LRRC4C: variants seen among roughly 807,000 people sequenced by gnomAD.
The protein encoded by LRRC4C is leucine-rich repeat-containing protein 4C.
A neutral mutation model predicts 33.6 loss-of-function variants in LRRC4C; 5 were observed. That is an observed-to-expected ratio of 0.15 (90% confidence interval 0.08 to 0.31). The LOEUF is 0.31. Ranked by LOEUF, LRRC4C falls within the 10% of genes least tolerant of loss-of-function variation. The pLI is 1.00. For synonymous variants in LRRC4C, 329 were observed against 302.0 expected (o/e 1.09, Z -0.93); for missense variants, 560 against 796.7 (o/e 0.70, Z 3.58).
intron 3 of LRRC4C, among the ~76,000 whole-genome samples, chr11:40,463,024 G>A (rs767975296): frequency 7.9e-5 from 12 of 151,972 alleles, no homozygotes; most frequent in Non-Finnish European, 1.5e-4. Context: ...CAAGTCCTAC[G>A]ATTCATTCTC....
At chr11:41,044,965 A>C (rs1339208307) in intron 1 of LRRC4C, among the ~76,000 whole-genome samples, 2 of 152,102 alleles carry the variant, frequency 1.3e-5, no homozygotes, top group Non-Finnish European at 2.9e-5. Flanking sequence ...TTCAATAAGT[A>C]ATCCTGAGCC....
At chr11:41,354,822 T>C (rs1952102998) in intron 1 of LRRC4C, among the ~76,000 whole-genome samples, 1 of 151,990 alleles carries the variant, frequency 6.6e-6, no homozygotes, top group Non-Finnish European at 1.5e-5. Flanking sequence ...GAAACTGTAC[T>C]CATTTCACCA....
At chr11:40,615,031 G>A (rs1283565223) in intron 3 of LRRC4C, among the ~76,000 whole-genome samples, 1 of 150,116 alleles carries the variant, frequency 6.7e-6, no homozygotes, top group African/African-American at 2.5e-5. Context: ...TTGGATAAGT[G>A]GTGCCAATAG....
At position 41,141,391 on chromosome 11, in the gene LRRC4C, A is replaced by G. The variant is rs148484798; in HGVS notation, c.-495-207668T>C. Among the ~76,000 whole-genome samples, 511 of 152,156 alleles carry G rather than the reference A, an allele frequency of 3.4e-3. 3 individuals carry two copies. Among genetic ancestry groups the G allele is most frequent in the African/African-American group, 0.011 (465 of 41,522 alleles). On this transcript the variant is annotated intron_variant, in intron 1 of 6. Transcript: ENST00000528697. The stretch of plus-strand genomic sequence containing the variant: ...AATTTCTCTTAAAAAAAAAGATCCA[A>G]CTGCTCATTAAAAAGTTTGAAAAGT...
intron 2 of LRRC4C, among the ~76,000 whole-genome samples, chr11:40,803,797 T>C (rs1195924200): frequency 6.6e-6 from 1 of 152,052 alleles, no homozygotes; most frequent in Admixed American, 6.6e-5. Flanking sequence ...TATGAGTACA[T>C]AGTAGGTATA....
intron 3 of LRRC4C, among the ~76,000 whole-genome samples, chr11:40,370,518 T>C (rs771967421): frequency 6.6e-6 from 1 of 152,156 alleles, no homozygotes; most frequent in South Asian, 2.1e-4. Context: ...ACTTAATATG[T>C]ATTTTAAACA....
At chr11:41,123,264 T>TTG (rs1942548710) in intron 1 of LRRC4C, among the ~76,000 whole-genome samples, 1 of 40,600 alleles carries the variant, frequency 2.5e-5, no homozygotes, top group African/African-American at 6.9e-5. Context: ...ATGTTTTGTT[T>TTG]TTTTTTTTTT....
chr11:41,028,128 A>G (rs1856497983), intron 1 of LRRC4C, among the ~76,000 whole-genome samples: 1 of 151,626 alleles, frequency 6.6e-6, no homozygotes, highest in African/African-American at 2.4e-5. Flanking sequence ...AATCCCCTCT[A>G]GAAATGTCAT....
At chr11:40,353,101 C>T (rs921043614) in intron 3 of LRRC4C, among the ~76,000 whole-genome samples, 5 of 152,112 alleles carry the variant, frequency 3.3e-5, no homozygotes, top group African/African-American at 1.2e-4. Flanking sequence ...TGTTCTTGTA[C>T]TTGAATATTA....
chr11:41,225,286 A>G (rs985636286), intron 1 of LRRC4C, among the ~76,000 whole-genome samples: 1 of 152,188 alleles, frequency 6.6e-6, no homozygotes, highest in Non-Finnish European at 1.5e-5. Flanking sequence ...TAAAATAACT[A>G]AAAGAGTTAC....
At chr11:40,834,656 T>C (rs1952580688) in intron 2 of LRRC4C, among the ~76,000 whole-genome samples, 2 of 151,968 alleles carry the variant, frequency 1.3e-5, no homozygotes, top group African/African-American at 2.4e-5. Flanking sequence ...CCATACACCA[T>C]GGGTTCAAAG....
rs183208824 is a variant in LRRC4C at position 40,696,043 on chromosome 11, G to A, written c.-406-47765C>T. Among the ~76,000 whole-genome samples the A allele has an allele frequency of 8.5e-3, 1,218 of 143,008 alleles. 15 individuals are homozygous for A. The highest frequency in any genetic ancestry group is 0.027 in the African/African-American group (1,018 of 38,098). 93.8% of individuals were successfully genotyped at this position (143,008 alleles called of 152,430 possible). ...GTGGTGTGTGTGTGTATATATATAT[G>A]TGTGTGTGTGTGTGTGTATATATGA... On this transcript the variant is annotated intron_variant, in intron 2 of 6. Coordinates refer to ENST00000528697, the MANE Select transcript of LRRC4C (RefSeq NM_001258419.2).
At chr11:40,636,534 A>C (rs961970180) in intron 3 of LRRC4C, among the ~76,000 whole-genome samples, 2 of 152,210 alleles carry the variant, frequency 1.3e-5, no homozygotes, top group Non-Finnish European at 2.9e-5. Flanking sequence ...AAGTGGGCTC[A>C]GGATAGAGAA....
chr11:41,355,895 A>G (rs769531997), intron 1 of LRRC4C, among the ~76,000 whole-genome samples: 1 of 152,108 alleles, frequency 6.6e-6, no homozygotes, highest in Non-Finnish European at 1.5e-5. Flanking sequence ...TAATATGTCA[A>G]ACCAAATTTG....
Position 41,277,714 on chromosome 11 carries a change from C to T in LRRC4C, c.-496+181717G>A, listed in dbSNP as rs576963367. 7.2e-5 allele frequency among the ~76,000 whole-genome samples: 11 copies of T among 152,142 alleles called. No homozygotes were observed. The East Asian group carries it at 2.1e-3, about 29-fold the overall frequency. On this transcript the variant is annotated intron_variant, in intron 1 of 6. Coordinates refer to ENST00000528697, the MANE Select transcript of LRRC4C (RefSeq NM_001258419.2). ...TTTATCTATAATGTTACACATTCTG[C>T]CTGAAATTATGTTAGTCGTTTTCAG...
chr11:40,365,560 G>A lies in LRRC4C; in HGVS notation c.-269-45839C>T, dbSNP rs547444120. ...CTAAGGGAAAACTGAAGGCAACTTTGGGGGGGCCCGAGAGGAGATTTTTAA... is the reference window on the plus strand; with the variant it reads ...CTAAGGGAAAACTGAAGGCAACTTTAGGGGGGCCCGAGAGGAGATTTTTAA... On this transcript the variant is annotated intron_variant, in intron 3 of 6. Coordinates refer to ENST00000528697, the MANE Select transcript of LRRC4C (RefSeq NM_001258419.2). Among the ~76,000 whole-genome samples the A allele has an allele frequency of 3.3e-5, 5 of 151,986 alleles. No homozygotes were observed. The South Asian group carries it at 1.0e-3, about 32-fold the overall frequency.
intron 2 of LRRC4C, among the ~76,000 whole-genome samples, chr11:40,856,598 A>G (rs940672380): frequency 1.3e-5 from 2 of 152,376 alleles, no homozygotes; most frequent in South Asian, 2.1e-4. Context: ...ATTAAAATGC[A>G]TAAGATAGAG....
chr11:40,922,571 TTCG>T (rs1300058357), intron 2 of LRRC4C, among the ~76,000 whole-genome samples: 4 of 152,198 alleles, frequency 2.6e-5, no homozygotes, highest in African/African-American at 4.8e-5. Flanking sequence ...AAAGATGTGA[TTCG>T]TCACCAAAAG....
chr11:40,356,051 C>T (rs1947655216), intron 3 of LRRC4C, among the ~76,000 whole-genome samples: 1 of 151,852 alleles, frequency 6.6e-6, no homozygotes. Context: ...TTTCTCAGCT[C>T]TGGCACTCAG....
Sources: gnomAD v4.1 joint callset for allele counts (sites outside exome capture counted in the v4.1 genomes callset) on GRCh38, gnomAD v4.1.1 for gene constraint, MANE v1.5 for transcripts, NCBI Gene and HGNC (gene_info 2026-07-23, HGNC 2026-07-21) for gene names.